EYA2: variants seen among roughly 807,000 people sequenced by gnomAD.
EYA2 encodes EYA transcriptional coactivator and phosphatase 2, also known as protein phosphatase EYA2.
In EYA2, 31 loss-of-function variants were observed where a neutral mutation model predicts 69.2. That is an observed-to-expected ratio of 0.45 (90% confidence interval 0.34 to 0.60). The LOEUF is 0.60. Ranked by LOEUF, EYA2 falls within the 20% of genes least tolerant of loss-of-function variation. The pLI is 0.02. For synonymous variants in EYA2, 257 were observed against 279.4 expected (o/e 0.92, Z 0.80); for missense variants, 622 against 701.2 (o/e 0.89, Z 1.28).
At chr20:47,129,758 G>C (rs2033290265) in intron 9 of EYA2, among the ~76,000 whole-genome samples, 1 of 152,146 alleles carries the variant, frequency 6.6e-6, no homozygotes, top group Admixed American at 6.5e-5. Context: ...TCTTGGTGAT[G>C]GACTGAAGGT....
chr20:47,114,443 C>T (rs1289606274), intron 9 of EYA2, among the ~76,000 whole-genome samples: 4 of 152,096 alleles, frequency 2.6e-5, no homozygotes, highest in Non-Finnish European at 5.9e-5. Flanking sequence ...GGTGAAACCC[C>T]GTCTCTACTA....
At chr20:47,056,672 A>G (rs569724510) in intron 5 of EYA2, among the ~76,000 whole-genome samples, 16 of 152,312 alleles carry the variant, frequency 1.1e-4, no homozygotes, top group African/African-American at 3.6e-4. Context: ...ATCATGAGTT[A>G]TATCTGAATT....
At chr20:47,064,431 T>A (rs1041730047) in intron 5 of EYA2, among the ~76,000 whole-genome samples, 2 of 152,276 alleles carry the variant, frequency 1.3e-5, no homozygotes, top group Non-Finnish European at 2.9e-5. Context: ...CTGTGAGTAG[T>A]GCTCCTGTGA....
intron 1 of EYA2, among the ~76,000 whole-genome samples, chr20:46,945,655 G>A (rs934382098): frequency 6.6e-6 from 1 of 152,222 alleles, no homozygotes; most frequent in African/African-American, 2.4e-5. Context: ...CATCGTTAGG[G>A]CGTTTGATGA....
At position 47,075,193 on chromosome 20, in the gene EYA2, A is replaced by T. The variant is rs549028503; in HGVS notation, c.661+858A>T. ...TGTGGTCTTCTCTAATCATTTACTTATATATTTATTCAACAAATATTTGGT... is the reference window on the plus strand; with the variant it reads ...TGTGGTCTTCTCTAATCATTTACTTTTATATTTATTCAACAAATATTTGGT... On this transcript the variant is annotated intron_variant, in intron 7 of 15. Coordinates refer to ENST00000327619, the MANE Select transcript of EYA2 (RefSeq NM_005244.5). 4.5e-4 allele frequency among the ~76,000 whole-genome samples: 68 copies of T among 152,368 alleles called. 1 individual carries two copies. In the East Asian group the frequency reaches 0.013, roughly 28 times the overall value.
At chr20:46,906,440 G>A (rs1050071391) in intron 1 of EYA2, among the ~76,000 whole-genome samples, 6 of 152,150 alleles carry the variant, frequency 3.9e-5, no homozygotes, top group Admixed American at 6.5e-5. Flanking sequence ...GCAGTCTCTC[G>A]GGGACATTGG....
rs1982021834 is a variant in EYA2 at position 46,996,371 on chromosome 20, TG to T, written c.110-5056del. 7.2e-5 allele frequency among the ~76,000 whole-genome samples: 11 copies of T among 152,348 alleles called. No individual in the cohort carries two copies. The South Asian group carries it at 2.3e-3, about 32-fold the overall frequency. ...CCCAAATTGTGATAATGCTTAGTGA[TG>T]TGTAGTTTTGTATTAGCCAGTGGTC... is the stretch of plus-strand genomic sequence containing the variant. On this transcript the variant is annotated intron_variant, in intron 2 of 15. Coordinates refer to ENST00000327619, the MANE Select transcript of EYA2 (RefSeq NM_005244.5).
rs1399787704 is a variant in EYA2, at chr20:47,087,954, C to T, written c.662-1285C>T. 3.3e-5 allele frequency among the ~76,000 whole-genome samples: 5 copies of T among 152,342 alleles called. No homozygotes were observed. In the East Asian group the frequency reaches 9.6e-4, roughly 29 times the overall value. On this transcript the variant is annotated intron_variant, in intron 7 of 15. Coordinates refer to ENST00000327619, the MANE Select transcript of EYA2 (RefSeq NM_005244.5). ...CATTTAATAGAGAAGTGGCGGGGCACAGTGGCTCACGCCTGTAATCCCAGC... is the reference window on the plus strand; with the variant it reads ...CATTTAATAGAGAAGTGGCGGGGCATAGTGGCTCACGCCTGTAATCCCAGC...
intron 1 of EYA2, among the ~76,000 whole-genome samples, chr20:46,939,113 A>G (rs1243227441): frequency 6.6e-6 from 1 of 152,208 alleles, no homozygotes; most frequent in Non-Finnish European, 1.5e-5. Context: ...CTGATGCCCC[A>G]GCCATGGGTA....
intron 1 of EYA2, among the ~76,000 whole-genome samples, chr20:46,987,916 G>GACACTCTCTCTCTCTCTCTCTCTCCC (rs56288405): frequency 4.9e-5 from 1 of 20,352 alleles, no homozygotes; most frequent in African/African-American, 1.7e-4. Flanking sequence ...GACAGAGTAA[G>GACACTCTCTCTCTCTCTCTCTCTCCC]TCTCTCTCTC....
intron 5 of EYA2, among the ~76,000 whole-genome samples, chr20:47,030,861 A>G (rs1984371583): frequency 6.6e-6 from 1 of 152,164 alleles, no homozygotes; most frequent in Admixed American, 6.5e-5. Context: ...GACTCAAGCG[A>G]TCCTCTCGTC....
intron 1 of EYA2, among the ~76,000 whole-genome samples, chr20:46,916,597 C>T (rs1406605237): frequency 6.6e-6 from 1 of 152,172 alleles, no homozygotes; most frequent in Non-Finnish European, 1.5e-5. Context: ...TGGGCTTTAC[C>T]ATACATTTAA....
intron 15 of EYA2, among the ~76,000 whole-genome samples, chr20:47,186,181 G>A (rs1418977129): frequency 6.6e-6 from 1 of 151,912 alleles, no homozygotes; most frequent in Non-Finnish European, 1.5e-5. Flanking sequence ...TTATCTGTGG[G>A]TTTATCTGAG....
intron 15 of EYA2, 143 bp from the exon 16 acceptor site, chr20:47,187,910 C>T: frequency 1.3e-6 from 1 of 775,490 alleles, no homozygotes; most frequent in Non-Finnish European, 2.1e-6. Flanking sequence ...GGTCTGCCAG[C>T]AACATCAAGT....
chr20:47,184,821 G>A lies in EYA2; in HGVS notation c.1536+1430G>A, dbSNP rs1382390618. Among the ~76,000 whole-genome samples the A allele has an allele frequency of 3.9e-5, 6 of 152,234 alleles. No homozygotes were observed. In the South Asian group the frequency reaches 8.3e-4, roughly 21 times the overall value. On this transcript the variant is annotated intron_variant, in intron 15 of 15. Coordinates refer to ENST00000327619, the MANE Select transcript of EYA2 (RefSeq NM_005244.5). The stretch of plus-strand genomic sequence containing the variant: ...AACCTACCTGTGTCATGCTCCAAAC[G>A]CCTGGCAGGGAGGAGACGGACTTAC...
chr20:47,106,056 G>A (rs538853047), intron 9 of EYA2, among the ~76,000 whole-genome samples: 123 of 152,330 alleles, frequency 8.1e-4, no homozygotes, highest in African/African-American at 2.8e-3. Flanking sequence ...ATTGGCCAAC[G>A]AGAGGCTTTA....
At chr20:46,932,545 C>T (rs1182505157) in intron 1 of EYA2, among the ~76,000 whole-genome samples, 1 of 152,118 alleles carries the variant, frequency 6.6e-6, no homozygotes, top group Non-Finnish European at 1.5e-5. Context: ...CCATGCTGGT[C>T]TGGTGATAGT....
At chr20:47,158,220 A>G (rs181852623) in intron 10 of EYA2, among the ~76,000 whole-genome samples, 20 of 152,126 alleles carry the variant, frequency 1.3e-4, no homozygotes, top group Admixed American at 3.3e-4. Context: ...TTTTTTAAAA[A>G]ACACTGAAGA....
chr20:46,968,736 T>G (rs1979943849), intron 1 of EYA2, among the ~76,000 whole-genome samples: 1 of 151,934 alleles, frequency 6.6e-6, no homozygotes, highest in Admixed American at 6.6e-5. Flanking sequence ...CAAAAATATA[T>G]CCAGACATTG....
Sources: allele counts gnomAD v4.1 joint callset (sites outside exome capture counted in the v4.1 genomes callset), GRCh38; gene constraint gnomAD v4.1.1; transcripts MANE v1.5; gene names NCBI Gene and HGNC (gene_info 2026-07-23, HGNC 2026-07-21).